MAPK10: variants seen among roughly 807,000 people sequenced by gnomAD.
MAPK10 encodes the protein mitogen-activated protein kinase 10, also known as JNK3 alpha protein kinase.
A neutral mutation model predicts 59.3 loss-of-function variants in MAPK10; 25 were observed. That is an observed-to-expected ratio of 0.42 (90% CI 0.31 to 0.59). MAPK10 has a LOEUF of 0.59. Ranked by LOEUF, MAPK10 falls within the 20% of genes least tolerant of loss-of-function variation. The pLI is 0.15. For synonymous variants in MAPK10, 190 were observed against 200.5 expected, an observed-to-expected ratio of 0.95 and a Z score of 0.44; for missense variants, 351 against 568.9, an observed-to-expected ratio of 0.62 and a Z score of 3.90.
At chr4:86,039,723 C>T (rs879493338) in intron 11 of MAPK10, among the ~76,000 whole-genome samples, 2 of 152,168 alleles carry the variant, frequency 1.3e-5, no homozygotes, top group Non-Finnish European at 2.9e-5. Context: ...CAAGTAGCCC[C>T]CTGTGGACCC....
intron 1 of MAPK10, among the ~76,000 whole-genome samples, chr4:86,573,626 A>G (rs1761631677): frequency 6.6e-6 from 1 of 152,202 alleles, no homozygotes; most frequent in African/African-American, 2.4e-5. Flanking sequence ...TTCTACTCAA[A>G]AAGCTGCTTA....
At chr4:86,452,298 A>G (rs1056522220) in intron 1 of MAPK10, among the ~76,000 whole-genome samples, 4 of 152,192 alleles carry the variant, frequency 2.6e-5, no homozygotes, top group African/African-American at 9.7e-5. Context: ...GAGAGTGTGT[A>G]ATTAGATCTA....
At chr4:86,435,082 G>A (rs1156721698) in intron 1 of MAPK10, among the ~76,000 whole-genome samples, 1 of 152,154 alleles carries the variant, frequency 6.6e-6, no homozygotes, top group Non-Finnish European at 1.5e-5. Flanking sequence ...ATCTTAAAAA[G>A]TGAATCTCAT....
chr4:86,571,327 CGTGTGTGT>C (rs34133535), intron 1 of MAPK10, among the ~76,000 whole-genome samples: 1,412 of 139,680 alleles, frequency 0.01, 7 homozygotes, highest in Non-Finnish European at 0.015. Context: ...TATATATATA[CGTGTGTGT>C]GTGTGTGTGT....
chr4:86,481,782 C>T (rs2149071183), intron 1 of MAPK10, among the ~76,000 whole-genome samples: 1 of 152,274 alleles, frequency 6.6e-6, no homozygotes, highest in Admixed American at 6.5e-5. Flanking sequence ...GCAAGAAATT[C>T]AAATTAACCC....
intron 6 of MAPK10, 111 bp downstream of exon 6, chr4:86,103,075 C>CTGCGTGTGTGTGTG: frequency 4.0e-6 from 2 of 496,826 alleles, no homozygotes; most frequent in South Asian, 4.2e-5. Context: ...GATTTCAACT[C>CTGCGTGTGTGTGTG]TGTGTGTGTG....
rs1214201387 is a variant in MAPK10, at chr4:86,153,967, T to G, written c.236+5331A>C. Among the ~76,000 whole-genome samples, 4 of 152,168 alleles carry G rather than the reference T, an allele frequency of 2.6e-5. No individual in the cohort carries two copies. The South Asian group carries it at 6.2e-4, about 24-fold the overall frequency. ...ATGAAGAATATGCTGATATTACAGA[T>G]GTACATGAGAGGATAATCATTTCCA... is the stretch of plus-strand genomic sequence containing the variant. On this transcript the variant is annotated intron_variant, in intron 4 of 13. Transcript: ENST00000641462.
intron 9 of MAPK10, among the ~76,000 whole-genome samples, chr4:86,094,414 T>C (rs377023643): frequency 1.3e-5 from 2 of 152,120 alleles, no homozygotes; most frequent in South Asian, 2.1e-4. Context: ...GGATATAATA[T>C]ACTTGAGGTC....
intron 1 of MAPK10, among the ~76,000 whole-genome samples, chr4:86,398,772 C>G (rs1274800980): frequency 3.9e-5 from 6 of 152,120 alleles, no homozygotes; most frequent in Non-Finnish European, 7.4e-5. Flanking sequence ...TCCTCCCTGA[C>G]AGTAGTCCCC....
intron 2 of MAPK10, among the ~76,000 whole-genome samples, chr4:86,345,916 T>C (rs1326769630): frequency 6.6e-6 from 1 of 152,228 alleles, no homozygotes; most frequent in Non-Finnish European, 1.5e-5. Context: ...TTTATCAGGT[T>C]AGCAAGCCAA....
chr4:86,351,682 A>G (rs1434240547), intron 2 of MAPK10, among the ~76,000 whole-genome samples: 1 of 151,996 alleles, frequency 6.6e-6, no homozygotes, highest in African/African-American at 2.4e-5. Flanking sequence ...GGAGTCAGAA[A>G]GACTTGGGCT....
chr4:86,426,006 A>G (rs1747233921), intron 1 of MAPK10, among the ~76,000 whole-genome samples: 1 of 152,180 alleles, frequency 6.6e-6, no homozygotes, highest in Non-Finnish European at 1.5e-5. Context: ...TTCAGTCTAC[A>G]CTAAGCTATG....
rs141355273 is a variant in MAPK10, at chr4:86,042,168, G to T, written c.1111-10737C>A. On this transcript the variant is annotated intron_variant, in intron 11 of 13. Transcript: ENST00000641462. ...AGAATGAGTTCATGTCCTTTGCAGG[G>T]ATATGGATGAAGCTAGAAGCCATCA... Among the ~76,000 whole-genome samples, 1,404 of 152,320 alleles carry T rather than the reference G, an allele frequency of 9.2e-3. 24 individuals are homozygous for T. Among genetic ancestry groups the T allele is most frequent in the African/African-American group, 0.031 (1,301 of 41,564 alleles).
At chr4:86,047,112 A>G (rs927450143) in intron 11 of MAPK10, among the ~76,000 whole-genome samples, 59 of 152,122 alleles carry the variant, frequency 3.9e-4, no homozygotes, top group African/African-American at 9.6e-4. Flanking sequence ...CCAAGGGCTG[A>G]CTTTCAATAG....
intron 11 of MAPK10, among the ~76,000 whole-genome samples, chr4:86,048,936 G>A (rs558416328): frequency 6.6e-6 from 1 of 151,784 alleles, no homozygotes; most frequent in Non-Finnish European, 1.5e-5. Context: ...TGACATAAAG[G>A]TTCTAGGTTA....
intron 1 of MAPK10, among the ~76,000 whole-genome samples, chr4:86,507,653 T>TATATATATATATATAC (rs1755880470): frequency 1.1e-5 from 1 of 88,922 alleles, no homozygotes; most frequent in Non-Finnish European, 2.4e-5. Context: ...TATATATATA[T>TATATATATATATATAC]ATATATATAT....
At chr4:86,362,135 C>T (rs546561304), upstream of MAPK10, among the ~76,000 whole-genome samples, 8 of 152,118 alleles carry the variant, frequency 5.3e-5, no homozygotes, top group South Asian at 4.1e-4. Flanking sequence ...CAAAACATCA[C>T]ATTATACCCC....
At chr4:86,419,498 T>C (rs1746246955) in intron 1 of MAPK10, among the ~76,000 whole-genome samples, 1 of 152,196 alleles carries the variant, frequency 6.6e-6, no homozygotes, top group Non-Finnish European at 1.5e-5. Flanking sequence ...AAATGGACTA[T>C]ACTGAGGGAC....
chr4:86,424,511 C>T lies in MAPK10; in HGVS notation c.-122+28519G>A, dbSNP rs1022771275. Among the ~76,000 whole-genome samples the T allele has an allele frequency of 2.6e-5, 4 of 152,166 alleles. No individual in the cohort carries two copies. In the East Asian group the frequency reaches 7.7e-4, roughly 29 times the overall value. ...TGGCCAACTTCTTCAAGTCTTATGT[C>T]CCTGTTTCCACCAATTTGACTCAAC... is the stretch of plus-strand genomic sequence containing the variant. On this transcript the variant is annotated intron_variant, in intron 1 of 13. Coordinates refer to the MAPK10 transcript ENST00000361569.
Sources: gnomAD v4.1 joint callset for allele counts (sites outside exome capture counted in the v4.1 genomes callset) on GRCh38, gnomAD v4.1.1 for gene constraint, MANE v1.5 for transcripts, NCBI Gene and HGNC (gene_info 2026-07-23, HGNC 2026-07-21) for gene names.